Variants in ATP2B2 observed in about 807,000 individuals in gnomAD.
The protein encoded by ATP2B2 is plasma membrane calcium-transporting ATPase 2.
ATP2B2 carries 15 observed loss-of-function variants against 120.0 expected under a neutral mutation model. The observed-to-expected ratio is 0.12, with a 90% CI of 0.08 to 0.19. The LOEUF (loss-of-function observed/expected upper bound fraction) is 0.19. Ranked by LOEUF, ATP2B2 falls within the 10% of genes least tolerant of loss-of-function variation. The probability of loss-of-function intolerance (pLI) is 1.00; values close to 1 mark genes in which losing one functional copy is unlikely to be tolerated. For synonymous variants in ATP2B2, 694 were observed against 700.3 expected (o/e 0.99, Z 0.14); for missense variants, 1,045 against 1,719.8 (o/e 0.61, Z 6.94).
At chr3:10,474,262 G>A (rs922320256) in intron 1 of ATP2B2, among the ~76,000 whole-genome samples, 1 of 152,118 alleles carries the variant, frequency 6.6e-6, no homozygotes, top group Non-Finnish European at 1.5e-5. Flanking sequence ...AGGTTGGGTA[G>A]GCATGATGAA....
rs185071244 is a variant in ATP2B2 at position 10,659,349 on chromosome 3, C to T, written c.-459-39388G>A. Among the ~76,000 whole-genome samples the T allele has an allele frequency of 6.8e-4, 104 of 152,212 alleles. 1 individual carries two copies. Among genetic ancestry groups the T allele is most frequent in the Non-Finnish European group, 1.3e-3 (87 of 68,016 alleles). ...ATCAGTGTGCTGTATTCAGGAAACC[C>T]ATCTCATGTGCAGAGACACACATAG... On this transcript the variant is annotated intron_variant, in intron 1 of 21. Transcript: ENST00000646379.
intron 1 of ATP2B2, 55 bp from the exon 2 acceptor site, chr3:10,449,917 G>A (rs1218981651): frequency 1.9e-5 from 7 of 366,202 alleles, no homozygotes; most frequent in Admixed American, 3.9e-5. Flanking sequence ...GGCCACATGG[G>A]ACAGGTGCTC....
chr3:10,427,226 C>T (rs185715098), intron 2 of ATP2B2, among the ~76,000 whole-genome samples: 4 of 152,354 alleles, frequency 2.6e-5, no homozygotes, highest in African/African-American at 7.2e-5. Flanking sequence ...TGATTATCTA[C>T]GTCTCCAACT....
At chr3:10,355,867 A>T (rs2060706119) in intron 14 of ATP2B2, among the ~76,000 whole-genome samples, 1 of 50,774 alleles carries the variant, frequency 2.0e-5, no homozygotes. Flanking sequence ...AGGTCAGGAG[A>T]TCGAGACCAT....
At chr3:10,392,174 C>T (rs979743904) in intron 5 of ATP2B2, among the ~76,000 whole-genome samples, 3 of 152,136 alleles carry the variant, frequency 2.0e-5, no homozygotes, top group African/African-American at 7.2e-5. Flanking sequence ...TCTGGGCCTC[C>T]CCCGCACAGC....
intron 22 of ATP2B2, among the ~76,000 whole-genome samples, chr3:10,336,917 T>C (rs976057268): frequency 1.3e-5 from 2 of 152,230 alleles, no homozygotes; most frequent in Non-Finnish European, 2.9e-5. Flanking sequence ...TGGAGACCCC[T>C]GCGTGGCTTT....
chr3:10,707,677 C>CGCCCACCCCG (rs2071917630), intron 1 of ATP2B2, among the ~76,000 whole-genome samples: 1 of 152,102 alleles, frequency 6.6e-6, no homozygotes, highest in Non-Finnish European at 1.5e-5. Context: ...GGTCCGCGGA[C>CGCCCACCCCG]GCCCACCCCG....
intron 3 of ATP2B2, among the ~76,000 whole-genome samples, chr3:10,525,974 A>G (rs901732232): frequency 3.9e-5 from 6 of 152,220 alleles, no homozygotes; most frequent in Admixed American, 6.5e-5. Context: ...CTCATCTTCA[A>G]AGTGGGTATA....
At chr3:10,497,165 C>T (rs2066186224) in intron 1 of ATP2B2, among the ~76,000 whole-genome samples, 3 of 152,244 alleles carry the variant, frequency 2.0e-5, no homozygotes, top group Non-Finnish European at 2.9e-5. Flanking sequence ...AATGAGGGCC[C>T]TAATTACCCT....
In ATP2B2 at chr3:10,343,183, G is replaced by A. The variant is rs114760356; in HGVS notation, c.2704-218C>T. ...CCACATCTTCCCTGCCAGGAGATAA[G>A]TGAGTCCCCCCAGGCCCAATGGCCA... On this transcript the variant is annotated intron_variant, in intron 18 of 22. Transcript: ENST00000360273. This position sits in a 1 kb window ranked among gnomAD's most constrained non-coding sequence, Gnocchi z 4.2. 3.1e-3 allele frequency among the ~76,000 whole-genome samples: 475 copies of A among 152,302 alleles called. 2 individuals are homozygous for A. Among genetic ancestry groups the A allele is most frequent in the African/African-American group, 0.011 (446 of 41,566 alleles).
At chr3:10,638,248 T>G (rs539303728) in intron 1 of ATP2B2, among the ~76,000 whole-genome samples, 1 of 152,118 alleles carries the variant, frequency 6.6e-6, no homozygotes, top group South Asian at 2.1e-4. Context: ...TAAAAAACAT[T>G]TAAAATGTTA....
chr3:10,560,670 G>A (rs959203780), intron 2 of ATP2B2, among the ~76,000 whole-genome samples: 16 of 152,056 alleles, frequency 1.1e-4, no homozygotes, highest in South Asian at 6.2e-4. Flanking sequence ...TTGCCAGCTC[G>A]CCATCCGCCT....
At chr3:10,610,563 T>A (rs559378964) in intron 2 of ATP2B2, among the ~76,000 whole-genome samples, 14 of 152,298 alleles carry the variant, frequency 9.2e-5, no homozygotes, top group African/African-American at 3.4e-4. Context: ...GTTATGGACT[T>A]CCGGGTAAAG....
At chr3:10,516,523 C>T (rs904026236) in intron 3 of ATP2B2, among the ~76,000 whole-genome samples, 1 of 152,196 alleles carries the variant, frequency 6.6e-6, no homozygotes, top group African/African-American at 2.4e-5. Flanking sequence ...ACCATCCTGT[C>T]GTTCCAGTTC....
chr3:10,437,741 A>T (rs942644225), intron 2 of ATP2B2, among the ~76,000 whole-genome samples: 30 of 152,336 alleles, frequency 2.0e-4, no homozygotes, highest in African/African-American at 6.7e-4. Context: ...CCTAACCCTC[A>T]GTACCTTAAA....
chr3:10,591,456 T>A (rs150486569), intron 2 of ATP2B2, among the ~76,000 whole-genome samples: 17 of 152,278 alleles, frequency 1.1e-4, no homozygotes, highest in African/African-American at 4.1e-4. Context: ...AGCAAAGCCT[T>A]GCACAGAGCT....
intron 1 of ATP2B2, among the ~76,000 whole-genome samples, chr3:10,632,547 A>C (rs373981687): frequency 4.6e-5 from 7 of 152,250 alleles, no homozygotes; most frequent in African/African-American, 1.4e-4. Context: ...ATTTCTGGTG[A>C]AACGCTCTGA....
intron 1 of ATP2B2, among the ~76,000 whole-genome samples, chr3:10,460,539 G>A (rs2064443640): frequency 6.6e-6 from 1 of 152,196 alleles, no homozygotes; most frequent in African/African-American, 2.4e-5. Context: ...AGGGTGCTGG[G>A]TGTAGGCGCT....
rs2059856886 is a variant in ATP2B2 at position 10,326,271 on chromosome 3, GTGTA to G, written c.*2539_*2542del. 6.5e-6 allele frequency: 1 copy of G among 155,004 alleles called. No individual in the cohort carries two copies. The highest frequency in any genetic ancestry group is 2.1e-4 in the South Asian group (1 of 4,842). The allele number at this position is 155,004 out of a possible 1,614,324, so 9.6% of individuals were successfully genotyped here. ...AACCAACCATTTCGTGTGTGTGTGTGTGTATGTGTGCAAGTGTGAGAGTGAGGGG... is the reference window on the plus strand; with the variant it reads ...AACCAACCATTTCGTGTGTGTGTGTGTGTGTGCAAGTGTGAGAGTGAGGGG... On this transcript the variant is annotated 3_prime_UTR_variant, in exon 23 of 23. Transcript: ENST00000360273.
Sources: allele counts gnomAD v4.1 joint callset (sites outside exome capture counted in the v4.1 genomes callset), GRCh38; gene constraint gnomAD v4.1.1; non-coding constraint Gnocchi (gnomAD v3.1); transcripts MANE v1.5; gene names NCBI Gene and HGNC (gene_info 2026-07-23, HGNC 2026-07-21).